Variants in NPHP4 observed in about 807,000 individuals in gnomAD.
NPHP4 encodes the protein nephrocystin 4, also known as nephrocystin-4.
NPHP4 carries 151 observed loss-of-function variants against 155.8 expected under a neutral mutation model. The observed-to-expected ratio is 0.97, with a 90% CI of 0.85 to 1.11. The LOEUF is 1.11. NPHP4 is among the 50% of genes least tolerant of loss of function. The pLI, the probability that NPHP4 is intolerant of heterozygous loss-of-function variation, is 0.00. For synonymous variants in NPHP4, 845 were observed against 816.8 expected (o/e 1.03, Z -0.59); for missense variants, 1,956 against 1,925.7 (o/e 1.02, Z -0.29).
At chr1:5,929,559 A>G (rs1646174108) in intron 10 of NPHP4, among the ~76,000 whole-genome samples, 1 of 152,180 alleles carries the variant, frequency 6.6e-6, no homozygotes, top group South Asian at 2.1e-4. Flanking sequence ...CCAGGATCAT[A>G]TGGTTTTCCT....
rs558253664 is a variant in NPHP4, at chr1:5,967,345, G to A, written c.471C>T (p.Gly157=). The change falls in exon 5 of 30, where the codon GGC becomes GGT. Residue 157 remains glycine (G), a synonymous_variant. Coordinates refer to ENST00000378156, the MANE Select transcript of NPHP4 (RefSeq NM_015102.5). ...SQDKRLRLYH[G]TPRALLHPLL... ...GCGGGTGCAGGAGGGCTCTGGGGGT[G>A]CCATGGTACAGCCGCAACCTGGAAG... is the stretch of plus-strand genomic sequence containing the variant. 5.0e-6 allele frequency: 8 copies of A among 1,607,310 alleles called. No individual in the cohort carries two copies. The highest frequency in any genetic ancestry group is 4.5e-5 in the South Asian group (4 of 89,208).
At chr1:5,941,042 A>G (rs962630329) in intron 9 of NPHP4, among the ~76,000 whole-genome samples, 3 of 152,208 alleles carry the variant, frequency 2.0e-5, no homozygotes, top group African/African-American at 7.2e-5. Context: ...ACCAAATGCT[A>G]AAACACACAA....
chr1:5,875,042 C>A lies in NPHP4; in HGVS notation c.2876G>T (p.Arg959Leu). 1 of 1,608,826 alleles carries A rather than the reference C, an allele frequency of 6.2e-7. No individual in the cohort carries two copies. ...GATGCTCTCGGCCTTCGTGCGTTCC[C>A]GGTAGGCGGCGATGACCTGTAGGTC... is the stretch of plus-strand genomic sequence containing the variant. The part of the protein sequence containing the change: ...LRDLQVIAAY[R>L]ERTKAESIAS... Residue 959 changes from arginine (R) to leucine (L), a missense_variant, in exon 21 of 30, where the codon CGG becomes CTG. Coordinates refer to ENST00000378156, the MANE Select transcript of NPHP4 (RefSeq NM_015102.5).
At chr1:5,885,217 C>T (rs34247529) in intron 18 of NPHP4, among the ~76,000 whole-genome samples, 18,482 of 149,730 alleles carry the variant, frequency 0.12, 1,145 homozygotes, top group Non-Finnish European at 0.16. Context: ...CCGTCCTACT[C>T]GACAACCAAG....
intron 2 of NPHP4, 83 bp from the exon 3 acceptor site, chr1:5,978,496 G>A: frequency 3.0e-6 from 4 of 1,324,904 alleles, no homozygotes; most frequent in Non-Finnish European, 3.2e-6. Context: ...GGGTGCATAT[G>A]GGGCCACCTC....
At chr1:5,955,212 A>G (rs1431621753) in intron 6 of NPHP4, among the ~76,000 whole-genome samples, 1 of 152,244 alleles carries the variant, frequency 6.6e-6, no homozygotes, top group East Asian at 1.9e-4. Flanking sequence ...AATGGCCACC[A>G]TCAAAAAGAT....
chr1:5,923,584 C>T (rs1318741379), intron 11 of NPHP4, among the ~76,000 whole-genome samples: 1 of 152,222 alleles, frequency 6.6e-6, no homozygotes, highest in Non-Finnish European at 1.5e-5. Flanking sequence ...CTGGTCTTCA[C>T]AGGGCAGGCA....
intron 3 of NPHP4, among the ~76,000 whole-genome samples, chr1:5,971,477 A>G (rs911563029): frequency 2.6e-5 from 4 of 152,242 alleles, no homozygotes; most frequent in African/African-American, 9.6e-5. Context: ...GCCCCAAGCT[A>G]AAGAATTTAT....
intron 6 of NPHP4, among the ~76,000 whole-genome samples, chr1:5,954,048 G>T (rs1570616767): frequency 6.6e-6 from 1 of 152,182 alleles, no homozygotes; most frequent in Admixed American, 6.5e-5. Context: ...AAGATTATGA[G>T]TCAGTATCGC....
chr1:5,954,211 C>A (rs920487553), intron 6 of NPHP4, among the ~76,000 whole-genome samples: 1 of 152,014 alleles, frequency 6.6e-6, no homozygotes, highest in African/African-American at 2.4e-5. Flanking sequence ...AGAGAAAAAT[C>A]GAAGCAACCA....
chr1:5,879,590 G>A (rs777893988), intron 19 of NPHP4: 2 of 518,990 alleles, frequency 3.9e-6, no homozygotes, highest in South Asian at 1.4e-5. Flanking sequence ...CACTGGCAGG[G>A]TTCCCACTTC....
In NPHP4 at chr1:5,863,108, A is replaced by G; in HGVS notation, c.*157T>C. 1 of 724,630 alleles carries G rather than the reference A, an allele frequency of 1.4e-6. No individual in the cohort carries two copies. The highest frequency in any genetic ancestry group is 2.4e-6 in the Non-Finnish European group (1 of 421,560). 44.9% of individuals were successfully genotyped at this position (724,630 alleles called of 1,614,324 possible). A position where few individuals can be genotyped will look rare whatever the true frequency, so the allele number is the denominator to read the frequency against. ...TGGATGCAGGTACTACAAAATGACC[A>G]GCGCTCGGTCTCTGCTTCCTCAGCC... On this transcript the variant is annotated 3_prime_UTR_variant, in exon 30 of 30. Coordinates refer to ENST00000378156, the MANE Select transcript of NPHP4 (RefSeq NM_015102.5).
intron 28 of NPHP4, 43 bp from the exon 29 acceptor site, chr1:5,864,076 G>C (rs772436299): frequency 6.2e-7 from 1 of 1,600,666 alleles, no homozygotes; most frequent in East Asian, 2.2e-5. Flanking sequence ...CCACTCACGG[G>C]AACAGCCACT....
At position 5,891,322 on chromosome 1, in the gene NPHP4, T is replaced by A. The variant is rs528981589; in HGVS notation, c.2144-294A>T. Among the ~76,000 whole-genome samples the A allele has an allele frequency of 4.6e-5, 7 of 152,356 alleles. No individual in the cohort carries two copies. The East Asian group carries it at 9.6e-4, about 21-fold the overall frequency. On this transcript the variant is annotated intron_variant, in intron 16 of 29. Transcript: ENST00000378156. ...AGATGGATGGGAACAAATGTCCTTA[T>A]GAGGCTGGCTAGGGAGTTTATTATT...
chr1:5,949,838 T>C (rs747767395), intron 7 of NPHP4, among the ~76,000 whole-genome samples: 11 of 151,786 alleles, frequency 7.2e-5, no homozygotes, highest in Non-Finnish European at 1.5e-4. Context: ...CACAGTGAAG[T>C]AGGGAAACCA....
intron 9 of NPHP4, among the ~76,000 whole-genome samples, chr1:5,945,489 A>C (rs1345538643): frequency 6.6e-6 from 1 of 152,184 alleles, no homozygotes; most frequent in African/African-American, 2.4e-5. Flanking sequence ...GGATTTCTGC[A>C]CCTAATTAGG....
In NPHP4 at chr1:5,867,333, G is replaced by A. The variant is rs1346594859; in HGVS notation, c.3473-218C>T. ...CCATCCAGCCCACTGCGGCTCGGCT[G>A]CAGCCATCTCCACAGGGAATAATCG... On this transcript the variant is annotated intron_variant, in intron 24 of 29. Transcript: ENST00000378156. This position sits in a 1 kb window ranked among gnomAD's most constrained non-coding sequence, Gnocchi z 4.1. 1.1e-5 allele frequency: 6 copies of A among 567,526 alleles called. No homozygotes were observed. The highest frequency in any genetic ancestry group is 1.9e-5 in the Non-Finnish European group (6 of 320,178). The allele number at this position is 567,526 out of a possible 1,614,324, so 35.2% of individuals were successfully genotyped here.
At chr1:5,957,560 C>A (rs879604212) in intron 6 of NPHP4, among the ~76,000 whole-genome samples, 10 of 139,636 alleles carry the variant, frequency 7.2e-5, no homozygotes, top group African/African-American at 1.1e-4. Flanking sequence ...AAAAACAAGA[C>A]CGCTGCAACA....
At chr1:5,955,805 C>A (rs1267311394) in intron 6 of NPHP4, among the ~76,000 whole-genome samples, 1 of 152,154 alleles carries the variant, frequency 6.6e-6, no homozygotes, top group African/African-American at 2.4e-5. Flanking sequence ...TTCTGCTGTT[C>A]CTGCACAGCA....
Sources: allele counts gnomAD v4.1 joint callset (sites outside exome capture counted in the v4.1 genomes callset), GRCh38; gene constraint gnomAD v4.1.1; non-coding constraint Gnocchi (gnomAD v3.1); transcripts MANE v1.5; gene names NCBI Gene and HGNC (gene_info 2026-07-23, HGNC 2026-07-21).